ZBTB20: variants seen among roughly 807,000 people sequenced by gnomAD.
The protein encoded by ZBTB20 is zinc finger and BTB domain-containing protein 20.
In ZBTB20, 9 loss-of-function variants were observed where a neutral mutation model predicts 56.9. The ratio of observed to expected loss-of-function variants is 0.16; its 90% confidence interval spans 0.10 to 0.28. ZBTB20 has a LOEUF of 0.28. ZBTB20 is among the 10% of genes least tolerant of loss of function. ZBTB20 has a pLI of 1.00. For missense variants in ZBTB20, 655 were observed against 1,003.0 expected (o/e 0.65, Z 4.69); for synonymous variants, 417 against 420.7 (o/e 0.99, Z 0.11).
At chr3:114,855,619 G>C (rs543501429) in intron 4 of ZBTB20, among the ~76,000 whole-genome samples, 2 of 152,166 alleles carry the variant, frequency 1.3e-5, no homozygotes, top group Admixed American at 1.3e-4. Context: ...GATAAAATTC[G>C]TGGTGGGTGA....
intron 2 of ZBTB20, among the ~76,000 whole-genome samples, chr3:115,054,002 T>G (rs899967386): frequency 6.6e-6 from 1 of 152,154 alleles, no homozygotes; most frequent in Non-Finnish European, 1.5e-5. Flanking sequence ...TTTAAATTAG[T>G]TCTTTACTCT....
At chr3:114,522,990 T>C (rs1409175627) in intron 6 of ZBTB20, among the ~76,000 whole-genome samples, 1 of 151,952 alleles carries the variant, frequency 6.6e-6, no homozygotes, top group African/African-American at 2.4e-5. Context: ...GGTGCAAATA[T>C]TAAGAGAGTG....
At chr3:114,757,011 C>T (rs1024080681) in intron 5 of ZBTB20, among the ~76,000 whole-genome samples, 4 of 152,122 alleles carry the variant, frequency 2.6e-5, no homozygotes, top group African/African-American at 9.7e-5. Flanking sequence ...GCATGGGCAA[C>T]CAATAGCTGA....
At chr3:115,013,775 G>C (rs947105733) in intron 2 of ZBTB20, among the ~76,000 whole-genome samples, 6 of 151,618 alleles carry the variant, frequency 4.0e-5, no homozygotes, top group African/African-American at 1.5e-4. Context: ...ACAAATGCTG[G>C]CAAGGACATG....
At chr3:114,354,196 G>A (rs2080978500) in intron 10 of ZBTB20, among the ~76,000 whole-genome samples, 1 of 152,138 alleles carries the variant, frequency 6.6e-6, no homozygotes, top group African/African-American at 2.4e-5. Flanking sequence ...CAACTAACTG[G>A]CACTATGGTT....
At chr3:114,938,878 T>C (rs2076637778) in intron 3 of ZBTB20, among the ~76,000 whole-genome samples, 1 of 146,092 alleles carries the variant, frequency 6.8e-6, no homozygotes, top group Non-Finnish European at 1.5e-5. Context: ...TACAGAGTTT[T>C]TTCCTTCTCA....
rs183534443 is a variant in ZBTB20, at chr3:114,869,511, C to T, written c.-417+30793G>A. Among the ~76,000 whole-genome samples, 363 of 152,078 alleles carry T rather than the reference C, an allele frequency of 2.4e-3. 1 individual carries two copies. The highest frequency in any genetic ancestry group is 8.2e-3 in the African/African-American group (342 of 41,496). On this transcript the variant is annotated intron_variant, in intron 4 of 11. Coordinates refer to ENST00000675478, the MANE Select transcript of ZBTB20 (RefSeq NM_001348800.3). ...TACTAAGGGGTTTAATCTAGTAATA[C>T]TAGATTAAGTACTGTCTACCATAGG...
intron 4 of ZBTB20, among the ~76,000 whole-genome samples, chr3:114,844,535 A>AAAAAAAAC (rs1560313171): frequency 2.1e-5 from 3 of 139,898 alleles, no homozygotes; most frequent in Non-Finnish European, 4.6e-5. Context: ...AAAAAAAAAA[A>AAAAAAAAC]AAAAAAAAAA....
At position 114,628,957 on chromosome 3, in the gene ZBTB20, A is replaced by G. The variant is rs548261677; in HGVS notation, c.-295+64571T>C. Among the ~76,000 whole-genome samples, 12 of 152,312 alleles carry G rather than the reference A, an allele frequency of 7.9e-5. No individual in the cohort carries two copies. The South Asian group carries it at 2.5e-3, about 32-fold the overall frequency. On this transcript the variant is annotated intron_variant, in intron 6 of 11. Coordinates refer to ENST00000675478, the MANE Select transcript of ZBTB20 (RefSeq NM_001348800.3). Reference sequence around the variant, plus strand: ...AAGTAATAGGTTAGCTATCTCAGAAATATCTCAGGGTGTGCTATACATTCT... The same window carrying G: ...AAGTAATAGGTTAGCTATCTCAGAAGTATCTCAGGGTGTGCTATACATTCT...
intron 4 of ZBTB20, among the ~76,000 whole-genome samples, chr3:114,845,986 G>T (rs1432370172): frequency 6.6e-6 from 1 of 152,222 alleles, no homozygotes; most frequent in South Asian, 2.1e-4. Flanking sequence ...CTCAAAAGAT[G>T]CTGCTTATTT....
At chr3:114,478,721 C>T (rs1195800225) in intron 7 of ZBTB20, among the ~76,000 whole-genome samples, 5 of 151,996 alleles carry the variant, frequency 3.3e-5, no homozygotes, top group Admixed American at 2.6e-4. Context: ...AAGACATAGA[C>T]CCCGGAAGTC....
chr3:114,712,585 G>A (rs936242323), intron 5 of ZBTB20, among the ~76,000 whole-genome samples: 1 of 151,492 alleles, frequency 6.6e-6, no homozygotes, highest in African/African-American at 2.4e-5. Flanking sequence ...CCCGGGAGGC[G>A]GAGGTTGTGG....
intron 4 of ZBTB20, among the ~76,000 whole-genome samples, chr3:114,848,714 C>T (rs2074844071): frequency 6.6e-6 from 1 of 152,216 alleles, no homozygotes; most frequent in African/African-American, 2.4e-5. Flanking sequence ...ATGTCAATCA[C>T]CCATCTACTA....
chr3:114,872,885 T>A (rs2076062122), intron 4 of ZBTB20, among the ~76,000 whole-genome samples: 1 of 152,082 alleles, frequency 6.6e-6, no homozygotes. Flanking sequence ...TCCTAAAAGA[T>A]CAAAGTCCCA....
intron 2 of ZBTB20, among the ~76,000 whole-genome samples, chr3:115,062,311 C>G (rs1476780770): frequency 6.6e-6 from 1 of 152,202 alleles, no homozygotes; most frequent in Non-Finnish European, 1.5e-5. Flanking sequence ...CATACACTAT[C>G]AATGAAAACC....
At chr3:114,526,792 C>T (rs2047269017) in intron 6 of ZBTB20, among the ~76,000 whole-genome samples, 1 of 152,116 alleles carries the variant, frequency 6.6e-6, no homozygotes, top group Non-Finnish European at 1.5e-5. Flanking sequence ...TAGAACATTA[C>T]AGCTATGTGG....
intron 3 of ZBTB20, among the ~76,000 whole-genome samples, chr3:114,965,283 C>T (rs1216228625): frequency 6.6e-6 from 1 of 152,046 alleles, no homozygotes; most frequent in African/African-American, 2.4e-5. Flanking sequence ...TAACGCATGC[C>T]TTACTCCACA....
At chr3:115,002,000 G>A (rs563199192) in intron 2 of ZBTB20, among the ~76,000 whole-genome samples, 1 of 151,570 alleles carries the variant, frequency 6.6e-6, no homozygotes, top group East Asian at 2.0e-4. Flanking sequence ...TTACTATATA[G>A]CTACATGAGT....
intron 4 of ZBTB20, among the ~76,000 whole-genome samples, chr3:114,866,809 T>C (rs2075782902): frequency 6.6e-6 from 1 of 152,158 alleles, no homozygotes; most frequent in African/African-American, 2.4e-5. Context: ...TACCATTAGC[T>C]TTCCCAGGTC....
Sources: gnomAD v4.1 joint callset for allele counts (sites outside exome capture counted in the v4.1 genomes callset) on GRCh38, gnomAD v4.1.1 for gene constraint, MANE v1.5 for transcripts, NCBI Gene and HGNC (gene_info 2026-07-23, HGNC 2026-07-21) for gene names.